Variants in AGAP1 observed in about 807,000 individuals in gnomAD.
The protein encoded by AGAP1 is arf-GAP with GTPase, ANK repeat and PH domain-containing protein 1.
Under a neutral mutation model 105.3 loss-of-function variants are expected in AGAP1, and 29 were observed. That is an observed-to-expected ratio of 0.28 (90% CI 0.21 to 0.38). The LOEUF (loss-of-function observed/expected upper bound fraction) is 0.38. Ranked by LOEUF, AGAP1 falls within the 10% of genes least tolerant of loss-of-function variation. The probability of loss-of-function intolerance (pLI) is 1.00; values close to 1 mark genes in which losing one functional copy is unlikely to be tolerated. For missense variants in AGAP1, 998 were observed against 1,165.1 expected, an observed-to-expected ratio of 0.86 and a Z score of 2.09; for synonymous variants, 509 against 485.9, an observed-to-expected ratio of 1.05 and a Z score of -0.63.
rs532373595 is a variant in AGAP1, at chr2:235,600,420, A to T, written c.163+105571A>T. Among the ~76,000 whole-genome samples, 9 of 151,998 alleles carry T rather than the reference A, an allele frequency of 5.9e-5. No individual in the cohort carries two copies. In the South Asian group the frequency reaches 6.3e-4, roughly 11 times the overall value. On this transcript the variant is annotated intron_variant, in intron 1 of 17. Transcript: ENST00000304032. The surrounding 1 kb of genome is among the most constrained non-coding windows in gnomAD (Gnocchi z 4.8). ...CCCACCCTCTGCCCTATAGACCCCC[A>T]TACTCCTGTAGATACCCCCTCATTA...
chr2:235,852,346 C>T (rs1037641442), intron 9 of AGAP1, among the ~76,000 whole-genome samples: 6 of 152,210 alleles, frequency 3.9e-5, no homozygotes, highest in Non-Finnish European at 5.9e-5. Context: ...AATGCCAGCG[C>T]CCAGCGAGGG....
intron 1 of AGAP1, among the ~76,000 whole-genome samples, chr2:235,581,786 C>T (rs559509131): frequency 3.5e-4 from 53 of 152,140 alleles, no homozygotes; most frequent in African/African-American, 1.2e-3. Context: ...GCCTGGGCAA[C>T]AGAGCGAGAT....
At chr2:235,572,416 G>C (rs1314252734) in intron 1 of AGAP1, among the ~76,000 whole-genome samples, 3 of 152,006 alleles carry the variant, frequency 2.0e-5, no homozygotes, top group African/African-American at 7.3e-5. Flanking sequence ...CAGGCAGTGG[G>C]GGTGATATCC....
intron 12 of AGAP1, among the ~76,000 whole-genome samples, chr2:235,956,267 G>A (rs369585359): frequency 1.6e-4 from 25 of 152,254 alleles, no homozygotes; most frequent in Admixed American, 8.5e-4. Flanking sequence ...CCCATTTATC[G>A]GAGTTCACCG....
chr2:235,913,244 T>TA (rs896135550), intron 11 of AGAP1, among the ~76,000 whole-genome samples: 1 of 152,264 alleles, frequency 6.6e-6, no homozygotes, highest in South Asian at 2.1e-4. Flanking sequence ...TTTTTTCCCT[T>TA]AAAAAATATA....
intron 3 of AGAP1, among the ~76,000 whole-genome samples, chr2:235,731,562 C>T (rs1240519110): frequency 6.6e-6 from 1 of 152,190 alleles, no homozygotes; most frequent in Non-Finnish European, 1.5e-5. Flanking sequence ...AGGCATCTCT[C>T]ATGTTCTGGT....
At chr2:236,077,153 A>G (rs983197107) in intron 16 of AGAP1, among the ~76,000 whole-genome samples, 2 of 147,700 alleles carry the variant, frequency 1.4e-5, no homozygotes, top group Non-Finnish European at 3.0e-5. Flanking sequence ...ATATATATAT[A>G]TATATATTCA....
rs375842741 is a variant in AGAP1, at chr2:235,989,471, A to G, written c.1645+20848A>G. 3.3e-5 allele frequency among the ~76,000 whole-genome samples: 5 copies of G among 152,150 alleles called. No homozygotes were observed. Among genetic ancestry groups the G allele is most frequent in the African/African-American group, 1.2e-4 (5 of 41,522 alleles). ...GTAGGGGAGAGGTGGGTGCTGGGACAGGATGAGCTGGGCTGGAGGAGGGTT... is the reference window on the plus strand; with the variant it reads ...GTAGGGGAGAGGTGGGTGCTGGGACGGGATGAGCTGGGCTGGAGGAGGGTT... On this transcript the variant is annotated intron_variant, in intron 13 of 17. Coordinates refer to ENST00000304032, the MANE Select transcript of AGAP1 (RefSeq NM_001037131.3). This position sits in a 1 kb window ranked among gnomAD's most constrained non-coding sequence, Gnocchi z 4.4.
At position 235,600,135 on chromosome 2, in the gene AGAP1, G is replaced by T. The variant is rs1289868235; in HGVS notation, c.163+105286G>T. Among the ~76,000 whole-genome samples, 1 of 152,140 alleles carries T rather than the reference G, an allele frequency of 6.6e-6. No homozygotes were observed. Among genetic ancestry groups the T allele is most frequent in the Admixed American group, 6.5e-5 (1 of 15,278 alleles). ...AACTGTTATTTACTCAGTAATTACA[G>T]GTTCAAGTCCCTTGTCCAAAATCCA... is the stretch of plus-strand genomic sequence containing the variant. On this transcript the variant is annotated intron_variant, in intron 1 of 17. Transcript: ENST00000304032. The surrounding 1 kb of genome is among the most constrained non-coding windows in gnomAD (Gnocchi z 4.8).
rs2059970129 is a variant in AGAP1, at chr2:236,124,329, A to G, written c.*207A>G. 1.6e-6 allele frequency: 1 copy of G among 628,430 alleles called. No individual in the cohort carries two copies. Among genetic ancestry groups the G allele is most frequent in the Admixed American group, 2.9e-5 (1 of 34,060 alleles). 38.9% of individuals were successfully genotyped at this position (628,430 alleles called of 1,614,324 possible). ...CGAAGAGGCGGCCGGGAGACTGCAG[A>G]AGTGGCTCCTTTTCATAAACTCCCC... On this transcript the variant is annotated 3_prime_UTR_variant, in exon 18 of 18. Coordinates refer to ENST00000304032, the MANE Select transcript of AGAP1 (RefSeq NM_001037131.3). This position sits in a 1 kb window ranked among gnomAD's most constrained non-coding sequence, Gnocchi z 5.1.
At chr2:235,628,978 A>G (rs1559299650) in intron 1 of AGAP1, among the ~76,000 whole-genome samples, 1 of 151,822 alleles carries the variant, frequency 6.6e-6, no homozygotes, top group Non-Finnish European at 1.5e-5. Flanking sequence ...CATCCGGCTA[A>G]TTTTTGTATT....
Position 236,012,662 on chromosome 2 carries a change from A to C in AGAP1, c.1646-23899A>C, listed in dbSNP as rs541611217. Reference sequence around the variant, plus strand: ...ACCTTATAGATAGTGAAGAAACCTGAAGGTATAGACATAAAGAAGTCTTCA... The same window carrying C: ...ACCTTATAGATAGTGAAGAAACCTGCAGGTATAGACATAAAGAAGTCTTCA... On this transcript the variant is annotated intron_variant, in intron 13 of 17. Coordinates refer to ENST00000304032, the MANE Select transcript of AGAP1 (RefSeq NM_001037131.3). This position sits in a 1 kb window ranked among gnomAD's most constrained non-coding sequence, Gnocchi z 4.9. 6.6e-6 allele frequency among the ~76,000 whole-genome samples: 1 copy of C among 152,208 alleles called. No individual in the cohort carries two copies. Among genetic ancestry groups the C allele is most frequent in the Non-Finnish European group, 1.5e-5 (1 of 68,038 alleles).
rs184913779 is a variant in AGAP1 at position 235,879,024 on chromosome 2, G to T, written c.1051-4321G>T. Among the ~76,000 whole-genome samples the T allele has an allele frequency of 1.4e-4, 22 of 152,306 alleles. No homozygotes were observed. Among genetic ancestry groups the T allele is most frequent in the African/African-American group, 5.1e-4 (21 of 41,560 alleles). ...GGTTCTGCGTGGGGAGCAGGTCACC[G>T]CCCATCAGTAGGAACAGGAGACTTT... On this transcript the variant is annotated intron_variant, in intron 9 of 17. Coordinates refer to ENST00000304032, the MANE Select transcript of AGAP1 (RefSeq NM_001037131.3). This position sits in a 1 kb window ranked among gnomAD's most constrained non-coding sequence, Gnocchi z 5.0.
chr2:235,971,528 G>A lies in AGAP1; in HGVS notation c.1645+2905G>A, dbSNP rs1030031760. ...ATCCTGGCTAACACAATGAAACCCC[G>A]TCTCTACTAAAAATACAAAAATTAG... On this transcript the variant is annotated intron_variant, in intron 13 of 17. Coordinates refer to ENST00000304032, the MANE Select transcript of AGAP1 (RefSeq NM_001037131.3). This position sits in a 1 kb window ranked among gnomAD's most constrained non-coding sequence, Gnocchi z 4.8. 4.6e-5 allele frequency among the ~76,000 whole-genome samples: 7 copies of A among 151,822 alleles called. No individual in the cohort carries two copies. The highest frequency in any genetic ancestry group is 3.9e-4 in the Admixed American group (6 of 15,250).
At chr2:235,997,044 T>C (rs1042749391) in intron 13 of AGAP1, among the ~76,000 whole-genome samples, 2 of 152,222 alleles carry the variant, frequency 1.3e-5, no homozygotes, top group African/African-American at 2.4e-5. Flanking sequence ...GGAGTGTGTG[T>C]GCATGCATAG....
At chr2:236,033,119 C>G (rs1331735870) in intron 13 of AGAP1, among the ~76,000 whole-genome samples, 1 of 152,112 alleles carries the variant, frequency 6.6e-6, no homozygotes, top group Non-Finnish European at 1.5e-5. Flanking sequence ...GTGGCACATA[C>G]CTGTAATCCC....
Position 236,053,402 on chromosome 2 carries a change from G to T in AGAP1, c.2114+4121G>T, listed in dbSNP as rs944119370. Reference sequence around the variant, plus strand: ...TGACGTTTGCAGCACCAGCAAAGCCGTCTCAGTAAACCCGTCCACGCACAT... The same window carrying T: ...TGACGTTTGCAGCACCAGCAAAGCCTTCTCAGTAAACCCGTCCACGCACAT... On this transcript the variant is annotated intron_variant, in intron 16 of 17. Transcript: ENST00000304032. The surrounding 1 kb of genome is among the most constrained non-coding windows in gnomAD (Gnocchi z 4.6). Among the ~76,000 whole-genome samples the T allele has an allele frequency of 2.0e-5, 3 of 152,200 alleles. No individual in the cohort carries two copies. The highest frequency in any genetic ancestry group is 4.4e-5 in the Non-Finnish European group (3 of 68,038).
At chr2:235,589,766 A>C in intron 1 of AGAP1, among the ~76,000 whole-genome samples, 1 of 152,294 alleles carries the variant, frequency 6.6e-6, no homozygotes, top group African/African-American at 2.4e-5. Context: ...TTGTGTAGCC[A>C]GGAGAGCACG....
rs1216830766 is a variant in AGAP1, at chr2:235,524,550, C to A, written c.163+29701C>A. ...ACCCAGCCCCCATGGGTAAGTATAA[C>A]CCCCACCCCACTACTGCCCGCCCAC... On this transcript the variant is annotated intron_variant, in intron 1 of 17. Transcript: ENST00000304032. 30 of 254,690 alleles carry A rather than the reference C, an allele frequency of 1.2e-4. 1 individual carries two copies. Among genetic ancestry groups the A allele is most frequent in the Non-Finnish European group, 1.1e-4 (13 of 113,168 alleles). The allele number at this position is 254,690 out of a possible 1,614,324, so 15.8% of individuals were successfully genotyped here.
Sources: allele counts gnomAD v4.1 joint callset (sites outside exome capture counted in the v4.1 genomes callset), GRCh38; gene constraint gnomAD v4.1.1; non-coding constraint Gnocchi (gnomAD v3.1); transcripts MANE v1.5; gene names NCBI Gene and HGNC (gene_info 2026-07-23, HGNC 2026-07-21).